The following MAP2 variants were observed in gnomAD, a reference collection of about 807,000 sequenced individuals.
MAP2 encodes the protein microtubule-associated protein 2.
A neutral mutation model predicts 137.6 loss-of-function variants in MAP2; 14 were observed. The ratio of observed to expected loss-of-function variants is 0.10; its 90% confidence interval spans 0.07 to 0.16. The LOEUF is 0.16. Among genes scored for constraint, MAP2 ranks in the 10% least tolerant of loss-of-function variants. MAP2 has a pLI of 1.00. For synonymous variants in MAP2, 786 were observed against 782.3 expected (o/e 1.00, Z -0.08); for missense variants, 2,088 against 2,191.5 (o/e 0.95, Z 0.94).
At chr2:209,711,707 T>C (rs1443640467) in intron 13 of MAP2, among the ~76,000 whole-genome samples, 3 of 152,208 alleles carry the variant, frequency 2.0e-5, no homozygotes, top group African/African-American at 7.2e-5. Context: ...AAATGTTGCA[T>C]CATCTTTATA....
intron 2 of MAP2, among the ~76,000 whole-genome samples, chr2:209,518,796 GA>G (rs915846973): frequency 4.3e-4 from 65 of 151,786 alleles, no homozygotes; most frequent in Non-Finnish European, 6.0e-4. Context: ...TTTATGAAAA[GA>G]AAAAAATAAA....
chr2:209,444,852 T>C (rs530913483), intron 1 of MAP2, among the ~76,000 whole-genome samples: 2 of 151,618 alleles, frequency 1.3e-5, no homozygotes, highest in African/African-American at 4.8e-5. Context: ...ATTTTTAAAA[T>C]TTTAAAGTAC....
Position 209,710,247 on chromosome 2 carries a change from G to A in MAP2, c.5066G>A (p.Gly1689Glu). 6.4e-7 allele frequency: 1 copy of A among 1,570,290 alleles called. No individual in the cohort carries two copies. The highest frequency in any genetic ancestry group is 8.6e-7 in the Non-Finnish European group (1 of 1,156,584). ...STDNIKYQPKGGQVQIVTKKI... is the reference protein window; with the variant it reads ...STDNIKYQPKEGQVQIVTKKI... The stretch of plus-strand genomic sequence containing the variant: ...GACAACATCAAATACCAGCCTAAAG[G>A]GGGGCAGGTAAGAATTGCATGAACA... Residue 1689 changes from glycine (G) to glutamate (E), a missense_variant, in exon 13 of 16, where the codon GGG becomes GAG. Gly to Glu is a moderately conservative substitution (Grantham distance 98). This residue lies in a region of MAP2 where 112 missense variants were observed against 201.0 expected (regional missense o/e 0.56). Coordinates refer to ENST00000682079, the MANE Select transcript of MAP2 (RefSeq NM_001375505.1).
rs2075860762 is a variant in MAP2 at position 209,732,206 on chromosome 2, C to T, written c.*1809C>T. On this transcript the variant is annotated 3_prime_UTR_variant, in exon 16 of 16. Coordinates refer to ENST00000682079, the MANE Select transcript of MAP2 (RefSeq NM_001375505.1). ...TAAAGGAGGAAATGATGAGGATGTA[C>T]TGAGGCAACGGGGAAGTATAGAAAC... The T allele has an allele frequency of 6.6e-6, 1 of 152,158 alleles. No individual in the cohort carries two copies. The highest frequency in any genetic ancestry group is 2.4e-5 in the African/African-American group (1 of 41,422). The allele number at this position is 152,158 out of a possible 1,614,324, so 9.4% of individuals were successfully genotyped here.
chr2:209,463,768 C>T (rs1185265041), intron 1 of MAP2, among the ~76,000 whole-genome samples: 1 of 152,110 alleles, frequency 6.6e-6, no homozygotes, highest in Non-Finnish European at 1.5e-5. Context: ...GTAGTTGTCT[C>T]GTCCCACTTT....
At chr2:209,484,923 A>T (rs2058187693) in intron 1 of MAP2, among the ~76,000 whole-genome samples, 2 of 152,248 alleles carry the variant, frequency 1.3e-5, no homozygotes, top group African/African-American at 2.4e-5. Flanking sequence ...TAAATGTGCT[A>T]TCTCTGGTCC....
chr2:209,704,738 A>T (rs2062865660), intron 11 of MAP2: 1 of 893,022 alleles, frequency 1.1e-6, no homozygotes, highest in Non-Finnish European at 1.6e-6. Context: ...AGTGTTTGAC[A>T]CATAAACAGT....
chr2:209,490,356 A>C (rs1168092577), intron 1 of MAP2, among the ~76,000 whole-genome samples: 1 of 152,110 alleles, frequency 6.6e-6, no homozygotes, highest in Non-Finnish European at 1.5e-5. Context: ...CACTATGAAG[A>C]AACTGCATCA....
In MAP2 at chr2:209,595,515, G is replaced by A. The variant is rs762688570; in HGVS notation, c.-107+15415G>A. 9.3e-4 allele frequency among the ~76,000 whole-genome samples: 141 copies of A among 152,292 alleles called. 1 individual carries two copies. The highest frequency in any genetic ancestry group is 2.0e-3 in the Non-Finnish European group (133 of 68,022). On this transcript the variant is annotated intron_variant, in intron 3 of 15. Coordinates refer to ENST00000682079, the MANE Select transcript of MAP2 (RefSeq NM_001375505.1). ...ACACTTTTACATTGTTGGTGGGAGTGTAAACTAGTTCAACCATTGTGGAAG... is the reference window on the plus strand; with the variant it reads ...ACACTTTTACATTGTTGGTGGGAGTATAAACTAGTTCAACCATTGTGGAAG...
In MAP2 at chr2:209,667,746, T is replaced by A. The variant is rs189992868; in HGVS notation, c.263-10826T>A. On this transcript the variant is annotated intron_variant, in intron 5 of 15. Transcript: ENST00000682079. ...AAATGTCTATTCCATAAGATTGTGA[T>A]TCTCATTCCAAATGAAGCTCTGTCT... Among the ~76,000 whole-genome samples the A allele has an allele frequency of 1.6e-3, 242 of 152,118 alleles. 1 individual carries two copies. Among genetic ancestry groups the A allele is most frequent in the African/African-American group, 5.6e-3 (234 of 41,544 alleles).
intron 2 of MAP2, among the ~76,000 whole-genome samples, chr2:209,548,090 G>A (rs191832358): frequency 8.5e-4 from 130 of 152,300 alleles, no homozygotes; most frequent in African/African-American, 2.9e-3. Context: ...GACACAAAGT[G>A]TCCTGATTGC....
At chr2:209,484,653 G>C (rs2058149065) in intron 1 of MAP2, among the ~76,000 whole-genome samples, 1 of 152,198 alleles carries the variant, frequency 6.6e-6, no homozygotes. Flanking sequence ...TTGCACCACT[G>C]CAGTCTAACG....
intron 1 of MAP2, among the ~76,000 whole-genome samples, chr2:209,483,735 G>A (rs1183613558): frequency 6.6e-6 from 1 of 152,158 alleles, no homozygotes; most frequent in African/African-American, 2.4e-5. Context: ...TTTTGCTTGT[G>A]ACAATGCCAG....
At chr2:209,701,592 A>T (rs1343450932) in intron 11 of MAP2, among the ~76,000 whole-genome samples, 1 of 152,062 alleles carries the variant, frequency 6.6e-6, no homozygotes, top group Non-Finnish European at 1.5e-5. Context: ...AAAACCAATA[A>T]GATTTTAGAC....
At chr2:209,511,450 C>G (rs887848424) in intron 2 of MAP2, among the ~76,000 whole-genome samples, 1 of 152,164 alleles carries the variant, frequency 6.6e-6, no homozygotes, top group African/African-American at 2.4e-5. Flanking sequence ...AAGACTTCCC[C>G]TGCCTTTGCA....
intron 3 of MAP2, among the ~76,000 whole-genome samples, chr2:209,624,377 A>G (rs1319299411): frequency 6.6e-6 from 1 of 152,174 alleles, no homozygotes; most frequent in Non-Finnish European, 1.5e-5. Flanking sequence ...GTAGTCCTCT[A>G]TAGATGAAGA....
At chr2:209,456,367 T>G (rs1701537358) in intron 1 of MAP2, among the ~76,000 whole-genome samples, 1 of 152,168 alleles carries the variant, frequency 6.6e-6, no homozygotes, top group Non-Finnish European at 1.5e-5. Flanking sequence ...GCCCAGTGAA[T>G]GAAGGAGCCA....
chr2:209,644,800 A>T (rs1417931013), intron 4 of MAP2, among the ~76,000 whole-genome samples: 2 of 152,140 alleles, frequency 1.3e-5, no homozygotes, highest in Admixed American at 6.6e-5. Flanking sequence ...CCCCTTTTAG[A>T]CTTCGAAGAA....
At chr2:209,643,248 T>C (rs538025903) in intron 4 of MAP2, among the ~76,000 whole-genome samples, 2 of 152,308 alleles carry the variant, frequency 1.3e-5, no homozygotes, top group African/African-American at 4.8e-5. Context: ...CTTTTGCCAA[T>C]TTTTGAGAGT....
Sources: allele counts gnomAD v4.1 joint callset (sites outside exome capture counted in the v4.1 genomes callset), GRCh38; gene constraint gnomAD v4.1.1; regional missense constraint gnomAD v4.1.1; transcripts MANE v1.5; gene names NCBI Gene and HGNC (gene_info 2026-07-23, HGNC 2026-07-21).